PRKAR1B: variants seen among roughly 807,000 people sequenced by gnomAD.
PRKAR1B encodes protein kinase cAMP-dependent type I regulatory subunit beta.
PRKAR1B carries 22 observed loss-of-function variants against 46.5 expected under a neutral mutation model. The observed-to-expected ratio is 0.47, with a 90% CI of 0.34 to 0.68. The LOEUF is 0.68. PRKAR1B is among the 30% of genes least tolerant of loss of function. The pLI, the probability that PRKAR1B is intolerant of heterozygous loss-of-function variation, is 0.01. For synonymous variants in PRKAR1B, 259 were observed against 217.7 expected, an observed-to-expected ratio of 1.19 and a Z score of -1.67; for missense variants, 445 against 535.6, an observed-to-expected ratio of 0.83 and a Z score of 1.67.
intron 9 of PRKAR1B, chr7:578,874 G>T: frequency 2.6e-6 from 1 of 378,794 alleles, no homozygotes; most frequent in Non-Finnish European, 4.3e-6. Context: ...TAGAGACGGG[G>T]TTTCACCATG....
chr7:670,735 G>A (rs111777210), intron 4 of PRKAR1B, among the ~76,000 whole-genome samples: 4 of 149,232 alleles, frequency 2.7e-5, no homozygotes, highest in African/African-American at 9.8e-5. Context: ...ACTCAGGACC[G>A]AGGACGGCCC....
intron 4 of PRKAR1B, among the ~76,000 whole-genome samples, chr7:657,300 G>GATGGATGGATGGATGA (rs1554299028): frequency 6.1e-5 from 8 of 130,164 alleles, no homozygotes; most frequent in Non-Finnish European, 9.8e-5. Flanking sequence ...TGGATGGATG[G>GATGGATGGATGGATGA]ATGAATGAAT....
chr7:657,870 A>G lies in PRKAR1B; in HGVS notation c.440+19359T>C, dbSNP rs569045916. ...CAGGGGCGCTTTCATTTCTTCTCAC[A>G]GCCTCCACCTCCTCATGAACCAGCG... On this transcript the variant is annotated intron_variant, in intron 4 of 10. Transcript: ENST00000537384. Among the ~76,000 whole-genome samples, 200 of 152,290 alleles carry G rather than the reference A, an allele frequency of 1.3e-3. 2 individuals carry two copies. Among genetic ancestry groups the G allele is most frequent in the African/African-American group, 4.6e-3 (192 of 41,556 alleles).
At chr7:561,207 T>G (rs1213240591) in intron 9 of PRKAR1B, among the ~76,000 whole-genome samples, 1 of 147,328 alleles carries the variant, frequency 6.8e-6, no homozygotes, top group East Asian at 2.0e-4. Context: ...CCCACACACA[T>G]GCACACACAG....
intron 9 of PRKAR1B, among the ~76,000 whole-genome samples, chr7:568,255 C>T (rs952536671): frequency 5.3e-5 from 8 of 152,046 alleles, no homozygotes; most frequent in African/African-American, 1.4e-4. Context: ...GAGGCATGGC[C>T]GAGCCACAAG....
At chr7:700,983 T>C (rs896707849) in intron 2 of PRKAR1B, among the ~76,000 whole-genome samples, 7 of 150,950 alleles carry the variant, frequency 4.6e-5, no homozygotes, top group African/African-American at 1.5e-4. Context: ...AGGTCAGGAG[T>C]TCGAGAGCAG....
At chr7:700,834 G>A (rs908641970) in intron 2 of PRKAR1B, among the ~76,000 whole-genome samples, 4 of 152,172 alleles carry the variant, frequency 2.6e-5, no homozygotes, top group Non-Finnish European at 5.9e-5. Context: ...TTGCAGAATG[G>A]ATATGACAGA....
chr7:583,600 A>ACCCATGCG (rs1780402872), intron 8 of PRKAR1B, among the ~76,000 whole-genome samples: 1 of 74,190 alleles, frequency 1.3e-5, no homozygotes, highest in Admixed American at 1.2e-4. Context: ...CCAGGTGCAC[A>ACCCATGCG]CACACCCCCT....
chr7:580,367 A>C (rs528310061), intron 8 of PRKAR1B, among the ~76,000 whole-genome samples: 1 of 151,816 alleles, frequency 6.6e-6, no homozygotes, highest in Non-Finnish European at 1.5e-5. Context: ...CAGCCTGGTC[A>C]ACATGGCAAA....
chr7:559,656 C>T (rs544089528), intron 9 of PRKAR1B, among the ~76,000 whole-genome samples: 18 of 152,286 alleles, frequency 1.2e-4, no homozygotes, highest in Admixed American at 6.5e-4. Context: ...ACGCCACACG[C>T]GTGTGCAGGC....
intron 7 of PRKAR1B, among the ~76,000 whole-genome samples, chr7:590,036 A>C (rs1252609028): frequency 1.3e-5 from 2 of 152,216 alleles, no homozygotes; most frequent in Non-Finnish European, 2.9e-5. Context: ...GAGGGGGCTC[A>C]ACACCACGCA....
At chr7:633,628 G>C (rs901475042) in intron 4 of PRKAR1B, among the ~76,000 whole-genome samples, 1 of 152,098 alleles carries the variant, frequency 6.6e-6, no homozygotes, top group African/African-American at 2.4e-5. Context: ...GCTGGGTGTG[G>C]TGGTGCATGC....
At position 550,621 on chromosome 7, in the gene PRKAR1B, G is replaced by A. The variant is rs750859029; in HGVS notation, c.974-19C>T. On this transcript the variant is annotated intron_variant, in intron 10 of 10. Coordinates refer to ENST00000537384, the MANE Select transcript of PRKAR1B (RefSeq NM_001164760.2). ...ATCTCCCCTGGGGGTTGAAGAGAGA[G>A]GTCAGGGCTGGGCCTGGGGGTCCTG... 6 of 1,529,846 alleles carry A rather than the reference G, an allele frequency of 3.9e-6. No individual in the cohort carries two copies. The highest frequency in any genetic ancestry group is 5.2e-6 in the Non-Finnish European group (6 of 1,143,680). 94.8% of individuals were successfully genotyped at this position (1,529,846 alleles called of 1,614,324 possible).
intron 4 of PRKAR1B, among the ~76,000 whole-genome samples, chr7:642,719 C>G (rs572298225): frequency 6.9e-6 from 1 of 145,846 alleles, no homozygotes; most frequent in African/African-American, 2.6e-5. Context: ...GGCGACAGAG[C>G]GAGACTCCGT....
Position 708,096 on chromosome 7 carries a change from C to T in PRKAR1B, c.177+3233G>A, listed in dbSNP as rs533574121. On this transcript the variant is annotated intron_variant, in intron 2 of 10. Coordinates refer to ENST00000537384, the MANE Select transcript of PRKAR1B (RefSeq NM_001164760.2). ...TAGCCATCCCAATACACCTCAATCT[C>T]GGACTTCCAGCCCGGACCACCCAAA... is the stretch of plus-strand genomic sequence containing the variant. Among the ~76,000 whole-genome samples, 24 of 147,364 alleles carry T rather than the reference C, an allele frequency of 1.6e-4. 1 individual carries two copies. Among genetic ancestry groups the T allele is most frequent in the Middle Eastern group, 8.0e-3 (2 of 250 alleles).
In PRKAR1B at chr7:596,095, G is replaced by T. The variant is rs372522025; in HGVS notation, c.708+51C>A. The T allele has an allele frequency of 5.7e-6, 9 of 1,578,906 alleles. No individual in the cohort carries two copies. In the Admixed American group the frequency reaches 1.4e-4, roughly 24 times the overall value. On this transcript the variant is annotated intron_variant, in intron 7 of 10. Coordinates refer to ENST00000537384, the MANE Select transcript of PRKAR1B (RefSeq NM_001164760.2). ...GAATAGAGCTAGGGTTCCCAGGGAC[G>T]CCTGGCCAAGGGTGGGTGTTGGCCT... is the stretch of plus-strand genomic sequence containing the variant.
At chr7:674,327 A>C (rs1786459904) in intron 4 of PRKAR1B, among the ~76,000 whole-genome samples, 1 of 150,964 alleles carries the variant, frequency 6.6e-6, no homozygotes, top group Non-Finnish European at 1.5e-5. Flanking sequence ...CCATGCTTAG[A>C]TACTCCAGCC....
At chr7:674,883 G>A (rs906549228) in intron 4 of PRKAR1B, among the ~76,000 whole-genome samples, 2 of 152,214 alleles carry the variant, frequency 1.3e-5, no homozygotes, top group Non-Finnish European at 2.9e-5. Flanking sequence ...GGATAAGATA[G>A]GGTATTTCAG....
In PRKAR1B at chr7:681,617, C is replaced by T. The variant is rs947390836; in HGVS notation, c.178-891G>A. Among the ~76,000 whole-genome samples the T allele has an allele frequency of 2.0e-5, 3 of 152,070 alleles. No homozygotes were observed. The South Asian group carries it at 6.2e-4, about 32-fold the overall frequency. ...GAGGAGGGGACTGGAAGTTGAGCCC[C>T]GAGTCACCGTGGAACGACCATGGTT... On this transcript the variant is annotated intron_variant, in intron 2 of 10. Coordinates refer to ENST00000537384, the MANE Select transcript of PRKAR1B (RefSeq NM_001164760.2).
Sources: allele counts gnomAD v4.1 joint callset (sites outside exome capture counted in the v4.1 genomes callset), GRCh38; gene constraint gnomAD v4.1.1; transcripts MANE v1.5; gene names NCBI Gene and HGNC (gene_info 2026-07-23, HGNC 2026-07-21).